The following DOCK8 variants were observed in gnomAD, a reference collection of about 807,000 sequenced individuals.
DOCK8 encodes dedicator of cytokinesis protein 8.
Under a neutral mutation model 245.6 loss-of-function variants are expected in DOCK8, and 141 were observed. That is an observed-to-expected ratio of 0.57 (90% CI 0.50 to 0.66). The LOEUF (loss-of-function observed/expected upper bound fraction) is 0.66. DOCK8 is among the 30% of genes least tolerant of loss of function. The probability of loss-of-function intolerance (pLI) is 0.00; values close to 1 mark genes in which losing one functional copy is unlikely to be tolerated. For synonymous variants in DOCK8, 1,168 were observed against 970.2 expected, an observed-to-expected ratio of 1.20 and a Z score of -3.79; for missense variants, 2,965 against 2,603.4, an observed-to-expected ratio of 1.14 and a Z score of -3.02.
intron 1 of DOCK8, among the ~76,000 whole-genome samples, chr9:224,105 A>G (rs2046940358): frequency 6.6e-6 from 1 of 152,222 alleles, no homozygotes; most frequent in Non-Finnish European, 1.5e-5. Flanking sequence ...GAGTTCAGAA[A>G]GACAGCTTTA....
At chr9:221,257 A>G (rs2046876010) in intron 1 of DOCK8, among the ~76,000 whole-genome samples, 2 of 152,134 alleles carry the variant, frequency 1.3e-5, no homozygotes, top group Non-Finnish European at 2.9e-5. Flanking sequence ...TGGCAACAGA[A>G]CCAGTTTCTC....
chr9:274,428 G>C (rs539811930), intron 2 of DOCK8, among the ~76,000 whole-genome samples: 3 of 150,808 alleles, frequency 2.0e-5, no homozygotes, highest in African/African-American at 7.3e-5. Flanking sequence ...CTTCTACCTG[G>C]AGAACGGAGG....
intron 5 of DOCK8, among the ~76,000 whole-genome samples, chr9:308,693 T>G (rs1205937376): frequency 6.6e-6 from 1 of 152,236 alleles, no homozygotes; most frequent in African/African-American, 2.4e-5. Context: ...AGTCTTGCTC[T>G]GTCGCCTAGG....
intron 6 of DOCK8, among the ~76,000 whole-genome samples, chr9:315,751 T>A (rs1474437358): frequency 2.0e-5 from 3 of 152,234 alleles, no homozygotes; most frequent in African/African-American, 7.2e-5. Context: ...CTTCATTGCA[T>A]TGCTCTCTCA....
At position 262,456 on chromosome 9, in the gene DOCK8, A is replaced by G. The variant is rs184638556; in HGVS notation, c.54-9171A>G. 6.2e-5 allele frequency among the ~76,000 whole-genome samples: 9 copies of G among 144,596 alleles called. No individual in the cohort carries two copies. The Admixed American group carries it at 6.5e-4, about 10-fold the overall frequency. The allele number at this position is 144,596 out of a possible 152,430, so 94.9% of individuals were successfully genotyped here. A position where few individuals can be genotyped will look rare whatever the true frequency, so the allele number is the denominator to read the frequency against. ...AGACAGATGAATGGATTTAAAAAAA[A>G]CCATGTTATATCCATACAAAGGAAT... is the stretch of plus-strand genomic sequence containing the variant. On this transcript the variant is annotated intron_variant, in intron 1 of 47. Coordinates refer to ENST00000432829, the MANE Select transcript of DOCK8 (RefSeq NM_203447.4).
At chr9:233,289 C>T (rs1327700853) in intron 1 of DOCK8, among the ~76,000 whole-genome samples, 1 of 152,066 alleles carries the variant, frequency 6.6e-6, no homozygotes, top group Admixed American at 6.6e-5. Flanking sequence ...TGTTCTTTTA[C>T]ATTTGCTGAG....
intron 4 of DOCK8, among the ~76,000 whole-genome samples, chr9:297,389 A>T (rs984915437): frequency 2.2e-4 from 34 of 152,292 alleles, no homozygotes; most frequent in African/African-American, 7.5e-4. Flanking sequence ...AACACTCTCA[A>T]AACGCGCTTG....
At chr9:300,617 A>C (rs2049497598) in intron 4 of DOCK8, among the ~76,000 whole-genome samples, 1 of 152,204 alleles carries the variant, frequency 6.6e-6, no homozygotes, top group Admixed American at 6.5e-5. Flanking sequence ...AGAAAACAAG[A>C]GAGAAGATCG....
intron 3 of DOCK8, among the ~76,000 whole-genome samples, chr9:287,695 AAG>A (rs1470326828): frequency 6.6e-6 from 1 of 152,260 alleles, no homozygotes; most frequent in Non-Finnish European, 1.5e-5. Context: ...CTTCCCAGGA[AAG>A]AAAAACATTG....
Position 317,133 on chromosome 9 carries a change from G to GTA in DOCK8, c.827+7_827+8dup. 4 of 1,607,896 alleles carry GTA rather than the reference G, an allele frequency of 2.5e-6. No individual in the cohort carries two copies. The highest frequency in any genetic ancestry group is 3.4e-6 in the Non-Finnish European group (4 of 1,174,374). On this transcript the variant is annotated splice_donor_region_variant and intron_variant, in intron 7 of 47. Coordinates refer to ENST00000432829, the MANE Select transcript of DOCK8 (RefSeq NM_203447.4). ...GGTCAAGTTGCTGACCTTGAAGTAA[G>GTA]TATCAACAAACACACTGCCACCGCT...
Position 414,841 on chromosome 9 carries a change from A to G in DOCK8, c.3590A>G (p.Asp1197Gly), listed in dbSNP as rs768533996. ...ATTCACAGCCTGCTAAGTTCTCACGACCTGGACCCACGCTGTGTCAAACCA... is the reference window on the plus strand; with the variant it reads ...ATTCACAGCCTGCTAAGTTCTCACGGCCTGGACCCACGCTGTGTCAAACCA... ...SAIHSLLSSHDLDPRCVKPEV... is the reference protein window; with the variant it reads ...SAIHSLLSSHGLDPRCVKPEV... Residue 1197 changes from aspartate (D) to glycine (G), a missense_variant, in exon 29 of 48, where the codon GAC becomes GGC. Coordinates refer to ENST00000432829, the MANE Select transcript of DOCK8 (RefSeq NM_203447.4). The G allele has an allele frequency of 2.5e-6, 4 of 1,614,220 alleles. No individual in the cohort carries two copies. In the South Asian group the frequency reaches 3.3e-5, roughly 13 times the overall value.
At position 382,602 on chromosome 9, in the gene DOCK8, C is replaced by G. The variant is rs371022243; in HGVS notation, c.2695C>G (p.Arg899Gly). The change falls in exon 22 of 48, where the codon CGG becomes GGG. Residue 899 changes from arginine to glycine, a missense_variant. Arg to Gly is a moderately radical substitution (Grantham distance 125). This residue lies in a region of DOCK8 where 2,825 missense variants were observed against 2,453.5 expected (regional missense o/e 1.15). Coordinates refer to ENST00000432829, the MANE Select transcript of DOCK8 (RefSeq NM_203447.4). Reference protein sequence around the residue: ...AAVSSKLLQARVMSSSNPDLA... With the variant: ...AAVSSKLLQAGVMSSSNPDLA... ...TGTGAGTTCAAAGCTGCTGCAGGCC[C>G]GGGTGATGAGCAGCAGTAACCCAGA... is the stretch of plus-strand genomic sequence containing the variant. 6.2e-7 allele frequency: 1 copy of G among 1,614,058 alleles called. No individual in the cohort carries two copies. Among genetic ancestry groups the G allele is most frequent in the Non-Finnish European group, 8.5e-7 (1 of 1,179,986 alleles).
intron 13 of DOCK8, among the ~76,000 whole-genome samples, chr9:339,348 T>C (rs1455141459): frequency 6.6e-6 from 1 of 152,224 alleles, no homozygotes; most frequent in South Asian, 2.1e-4. Flanking sequence ...GATAATGAGA[T>C]AATTGTTTAA....
chr9:311,875 CTT>C, intron 5 of DOCK8, 77 bp from the exon 6 acceptor site: 2 of 1,559,052 alleles, frequency 1.3e-6, no homozygotes, highest in Non-Finnish European at 1.8e-6. Flanking sequence ...TTGGAGCAGT[CTT>C]GAGACATCCA....
intron 1 of DOCK8, among the ~76,000 whole-genome samples, chr9:271,314 G>A (rs919530805): frequency 3.9e-4 from 60 of 152,196 alleles, no homozygotes; most frequent in African/African-American, 1.4e-3. Context: ...ACTCTGAATG[G>A]CTGGGGGAGA....
chr9:263,950 C>T (rs1437197209), intron 1 of DOCK8, among the ~76,000 whole-genome samples: 1 of 152,156 alleles, frequency 6.6e-6, no homozygotes, highest in South Asian at 2.1e-4. Context: ...TTCTGATGGG[C>T]ATTTATAGAA....
chr9:409,653 A>G (rs1345785224), intron 28 of DOCK8, among the ~76,000 whole-genome samples: 1 of 152,082 alleles, frequency 6.6e-6, no homozygotes, highest in African/African-American at 2.4e-5. Flanking sequence ...ACATATGTAT[A>G]TATGCGCCAT....
intron 30 of DOCK8, among the ~76,000 whole-genome samples, chr9:418,787 C>G (rs75801685): frequency 9.7e-4 from 147 of 152,214 alleles, no homozygotes; most frequent in Middle Eastern, 3.4e-3. Context: ...CTTGGGAAAT[C>G]TGAAATCCTT....
chr9:373,671 G>A (rs765836637), intron 18 of DOCK8, among the ~76,000 whole-genome samples: 8 of 152,240 alleles, frequency 5.3e-5, no homozygotes, highest in South Asian at 2.1e-4. Context: ...GCCATCTACC[G>A]TCTCACTTCC....
Sources: gnomAD v4.1 joint callset for allele counts (sites outside exome capture counted in the v4.1 genomes callset) on GRCh38, gnomAD v4.1.1 for gene constraint, gnomAD v4.1.1 regional missense constraint, MANE v1.5 for transcripts, NCBI Gene and HGNC (gene_info 2026-07-23, HGNC 2026-07-21) for gene names.